PRLR: variants seen among roughly 807,000 people sequenced by gnomAD.
PRLR encodes hPRL receptor.
A neutral mutation model predicts 40.2 loss-of-function variants in PRLR; 13 were observed. That is an observed-to-expected ratio of 0.32 (90% CI 0.21 to 0.51). The LOEUF (loss-of-function observed/expected upper bound fraction) is 0.51, where lower values mean the gene tolerates loss of function less well. PRLR is among the 20% of genes least tolerant of loss of function. PRLR has a pLI of 0.97. For missense variants in PRLR, 656 were observed against 747.3 expected, an observed-to-expected ratio of 0.88 and a Z score of 1.42; for synonymous variants, 269 against 278.7, an observed-to-expected ratio of 0.97 and a Z score of 0.35.
intron 1 of PRLR, among the ~76,000 whole-genome samples, chr5:35,126,284 CT>C (rs148467885): frequency 0.051 from 7,697 of 152,252 alleles, 238 homozygotes; most frequent in African/African-American, 0.077. Flanking sequence ...TTCTTTTGGT[CT>C]CCATAAGCCA....
At chr5:35,162,608 C>T (rs1774705417) in intron 1 of PRLR, among the ~76,000 whole-genome samples, 2 of 152,190 alleles carry the variant, frequency 1.3e-5, no homozygotes, top group Admixed American at 1.3e-4. Context: ...GAATGCAAGC[C>T]TTCTCCAACA....
At chr5:35,217,023 C>A (rs1487295862) in intron 1 of PRLR, among the ~76,000 whole-genome samples, 3 of 152,162 alleles carry the variant, frequency 2.0e-5, no homozygotes, top group Non-Finnish European at 4.4e-5. Flanking sequence ...ACAGGTTTTG[C>A]CTTCCCTCAT....
At chr5:35,094,606 T>G (rs1330530444) in intron 2 of PRLR, among the ~76,000 whole-genome samples, 2 of 152,136 alleles carry the variant, frequency 1.3e-5, no homozygotes, top group Admixed American at 1.3e-4. Context: ...GTGCTTTTTT[T>G]GTCCTAAAAA....
chr5:35,205,544 T>A (rs1026177338), intron 1 of PRLR, among the ~76,000 whole-genome samples: 1 of 26,896 alleles, frequency 3.7e-5, no homozygotes, highest in African/African-American at 3.0e-4. Flanking sequence ...TATATCTGTA[T>A]GAAAATTCTC....
chr5:35,073,435 G>A (rs1000758505), intron 5 of PRLR, among the ~76,000 whole-genome samples: 2 of 152,114 alleles, frequency 1.3e-5, no homozygotes, highest in Admixed American at 6.6e-5. Flanking sequence ...AATGTTTCTC[G>A]AGTATTTACT....
At chr5:35,220,481 C>G (rs1474280139) in intron 1 of PRLR, among the ~76,000 whole-genome samples, 2 of 152,178 alleles carry the variant, frequency 1.3e-5, no homozygotes, top group Non-Finnish European at 2.9e-5. Context: ...TTGAAAGCAG[C>G]CTTCAGCAAA....
At chr5:35,206,162 G>A (rs1050659662) in intron 1 of PRLR, among the ~76,000 whole-genome samples, 1 of 152,090 alleles carries the variant, frequency 6.6e-6, no homozygotes, top group Admixed American at 6.5e-5. Context: ...TTGTAGAGGA[G>A]CCAGAAATGA....
At chr5:35,156,501 C>G (rs890608910) in intron 1 of PRLR, among the ~76,000 whole-genome samples, 1 of 152,218 alleles carries the variant, frequency 6.6e-6, no homozygotes, top group Non-Finnish European at 1.5e-5. Flanking sequence ...ACCTACAAGA[C>G]TCTCCAGGAT....
chr5:35,109,000 T>A (rs1017699112), intron 2 of PRLR, among the ~76,000 whole-genome samples: 3 of 152,204 alleles, frequency 2.0e-5, no homozygotes, highest in Admixed American at 2.0e-4. Context: ...AACAGCATGG[T>A]ACTAGTACCA....
intron 1 of PRLR, among the ~76,000 whole-genome samples, chr5:35,129,686 C>A (rs1329849538): frequency 6.7e-6 from 1 of 149,760 alleles, no homozygotes. Flanking sequence ...TTTTTTTACT[C>A]ATTGGGTACC....
chr5:35,172,835 T>A (rs755984659), intron 1 of PRLR, among the ~76,000 whole-genome samples: 26 of 152,186 alleles, frequency 1.7e-4, no homozygotes, highest in Non-Finnish European at 3.4e-4. Context: ...ACTTGATTTG[T>A]TCTGAGGAAA....
intron 1 of PRLR, among the ~76,000 whole-genome samples, chr5:35,228,850 G>A (rs1230252144): frequency 6.6e-6 from 1 of 152,032 alleles, no homozygotes; most frequent in Non-Finnish European, 1.5e-5. Context: ...GAGTTGGCTG[G>A]GTGGTCTTGA....
chr5:35,204,731 C>T (rs934279924), intron 1 of PRLR, among the ~76,000 whole-genome samples: 4 of 152,110 alleles, frequency 2.6e-5, no homozygotes, highest in Admixed American at 6.5e-5. Context: ...ACAATGCTAG[C>T]AGTAGAAGAA....
At chr5:35,161,256 A>T (rs771614804) in intron 1 of PRLR, among the ~76,000 whole-genome samples, 8 of 152,156 alleles carry the variant, frequency 5.3e-5, no homozygotes, top group Non-Finnish European at 1.2e-4. Context: ...CTAGAAAGTG[A>T]TTTAACTCTT....
In PRLR at chr5:35,084,451, C is replaced by T. The variant is rs1770715865; in HGVS notation, c.373+19G>A. On this transcript the variant is annotated intron_variant, in intron 5 of 9. Transcript: ENST00000618457. ...CATAGTGGAGTAAGAAATTCCTCAC[C>T]CACTTTCCTTCCCCTTACCTATGTA... 1 of 1,536,082 alleles carries T rather than the reference C, an allele frequency of 6.5e-7. No individual in the cohort carries two copies. Among genetic ancestry groups the T allele is most frequent in the Non-Finnish European group, 8.7e-7 (1 of 1,149,772 alleles).
At chr5:35,183,384 C>A (rs2111983614) in intron 1 of PRLR, among the ~76,000 whole-genome samples, 1 of 152,252 alleles carries the variant, frequency 6.6e-6, no homozygotes, top group African/African-American at 2.4e-5. Context: ...TTCCTTGTCG[C>A]CCCCCAATGG....
At chr5:35,202,382 T>G (rs1775904880) in intron 1 of PRLR, among the ~76,000 whole-genome samples, 1 of 152,208 alleles carries the variant, frequency 6.6e-6, no homozygotes, top group Admixed American at 6.5e-5. Flanking sequence ...TTTTCAGCCA[T>G]GCTTGCTGTC....
chr5:35,083,464 G>A (rs1465522086), intron 5 of PRLR, among the ~76,000 whole-genome samples: 1 of 151,474 alleles, frequency 6.6e-6, no homozygotes, highest in African/African-American at 2.4e-5. Context: ...GTGTGTGTGT[G>A]TGTGTGTGTG....
At chr5:35,198,649 T>G (rs1348292555) in intron 1 of PRLR, among the ~76,000 whole-genome samples, 1 of 152,254 alleles carries the variant, frequency 6.6e-6, no homozygotes. Flanking sequence ...GATACCAATC[T>G]TCTAAACAGA....
Sources: gnomAD v4.1 joint callset for allele counts (sites outside exome capture counted in the v4.1 genomes callset) on GRCh38, gnomAD v4.1.1 for gene constraint, MANE v1.5 for transcripts, NCBI Gene and HGNC (gene_info 2026-07-23, HGNC 2026-07-21) for gene names.